The following AFM variants were observed in gnomAD, a reference collection of about 807,000 sequenced individuals.
AFM encodes alpha-Alb.
AFM carries 82 observed loss-of-function variants against 68.7 expected under a neutral mutation model. The ratio of observed to expected loss-of-function variants is 1.19; its 90% confidence interval spans 1.00 to 1.43. AFM has a LOEUF of 1.43. Among genes scored for constraint, AFM ranks in the 40% most tolerant of loss-of-function variants. AFM has a pLI of 0.00. For missense variants in AFM, 772 were observed against 701.8 expected (o/e 1.10, Z -1.13); for synonymous variants, 250 against 234.2 (o/e 1.07, Z -0.61).
In AFM at chr4:73,485,970, T is replaced by C. The variant is rs752949035; in HGVS notation, c.379T>C (p.Tyr127His). The change falls in exon 4 of 15, where the codon TAT (tyrosine) becomes CAT (histidine). Residue 127 changes from tyrosine (Y) to histidine (H), a missense_variant. Coordinates refer to ENST00000226355, the MANE Select transcript of AFM (RefSeq NM_001133.2). ...TGCTCAAAGAAGACTCTGTTTCTTC[T>C]ATAACAAGAAATCTGATGTGGGATT... ...VDAQRRLCFF[Y>H]NKKSDVGFLP... 2.5e-6 allele frequency: 4 copies of C among 1,614,098 alleles called. No individual in the cohort carries two copies. The highest frequency in any genetic ancestry group is 1.3e-5 in the African/African-American group (1 of 75,032).
intron 5 of AFM, 54 bp from the exon 6 acceptor site, chr4:73,487,670 G>T: frequency 8.3e-7 from 1 of 1,202,776 alleles, no homozygotes; most frequent in African/African-American, 1.5e-5. Flanking sequence ...TAAAAAATAA[G>T]AGAATAGTGA....
chr4:73,493,253 A>G (rs1423001334), intron 8 of AFM, among the ~76,000 whole-genome samples: 1 of 152,226 alleles, frequency 6.6e-6, no homozygotes, highest in East Asian at 1.9e-4. Flanking sequence ...AATGGTTTTA[A>G]TGGAAGAATG....
At chr4:73,496,782 A>G (rs374323013) in intron 9 of AFM, among the ~76,000 whole-genome samples, 6 of 152,210 alleles carry the variant, frequency 3.9e-5, no homozygotes, top group East Asian at 1.9e-4. Flanking sequence ...TGTTTTTCAT[A>G]TAAATTCATA....
chr4:73,488,554 T>A, intron 6 of AFM, 76 bp from the exon 7 acceptor site: 1 of 1,334,502 alleles, frequency 7.5e-7, no homozygotes, highest in Non-Finnish European at 1.0e-6. Flanking sequence ...GCTATTCATA[T>A]CATATTAGCA....
At chr4:73,487,584 T>C in intron 5 of AFM, 140 bp from the exon 6 acceptor site, 1 of 618,418 alleles carries the variant, frequency 1.6e-6, no homozygotes, top group Non-Finnish European at 2.8e-6. Context: ...TTTTAATATG[T>C]GTGTTTACTG....
At chr4:73,486,832 T>A in intron 4 of AFM, 135 bp from the exon 5 acceptor site, 2 of 889,560 alleles carry the variant, frequency 2.2e-6, no homozygotes, top group Non-Finnish European at 3.4e-6. Flanking sequence ...AACTTGCTCT[T>A]CTTGTCTCTT....
In AFM at chr4:73,499,972, T is replaced by A. The variant is rs374283639; in HGVS notation, c.1423-32T>A. On this transcript the variant is annotated intron_variant, in intron 11 of 14. Coordinates refer to ENST00000226355, the MANE Select transcript of AFM (RefSeq NM_001133.2). Reference sequence around the variant, plus strand: ...TAGAAATTCCATTCAAGTTTTAAGATCGTATCTCAGTTGCAACTCTTGTTG... The same window carrying A: ...TAGAAATTCCATTCAAGTTTTAAGAACGTATCTCAGTTGCAACTCTTGTTG... 34 of 1,561,414 alleles carry A rather than the reference T, an allele frequency of 2.2e-5. No homozygotes were observed. The African/African-American group carries it at 4.3e-4, about 20-fold the overall frequency.
intron 12 of AFM, among the ~76,000 whole-genome samples, 160 bp downstream of exon 12, chr4:73,500,387 T>TA (rs35075782): frequency 5.5e-5 from 3 of 54,392 alleles, no homozygotes; most frequent in Middle Eastern, 0.011. Flanking sequence ...CAAGTGCATA[T>TA]TTTTTTTTTG....
Position 73,503,127 on chromosome 4 carries a change from C to T in AFM, c.*40+17C>T. ...GCACCAAAGGTAATACCCTCTGCCT[C>T]ATTCAAATGTCAAATGTATTTGTGG... is the stretch of plus-strand genomic sequence containing the variant. On this transcript the variant is annotated intron_variant, in intron 14 of 14. Coordinates refer to ENST00000226355, the MANE Select transcript of AFM (RefSeq NM_001133.2). 1 of 1,562,496 alleles carries T rather than the reference C, an allele frequency of 6.4e-7. No homozygotes were observed.
At chr4:73,486,503 C>G (rs542075713) in intron 4 of AFM, among the ~76,000 whole-genome samples, 3 of 152,234 alleles carry the variant, frequency 2.0e-5, no homozygotes, top group East Asian at 3.9e-4. Flanking sequence ...GGTTGGTATG[C>G]TCCTTGAAAT....
rs1720890011 is a variant in AFM, at chr4:73,485,952, A to C, written c.361A>C (p.Arg121=). ...CTGCTGCAGTAAGGTTGATGCTCAAAGAAGACTCTGTTTCTTCTATAACAA... is the reference window on the plus strand; with the variant it reads ...CTGCTGCAGTAAGGTTGATGCTCAACGAAGACTCTGTTTCTTCTATAACAA... ...SHCCSKVDAQ[R]RLCFFYNKKS... The change falls in exon 4 of 15, where the codon AGA becomes CGA. Residue 121 remains arginine, a synonymous_variant. Coordinates refer to ENST00000226355, the MANE Select transcript of AFM (RefSeq NM_001133.2). 1.2e-6 allele frequency: 2 copies of C among 1,614,146 alleles called. No homozygotes were observed. Among genetic ancestry groups the C allele is most frequent in the Non-Finnish European group, 1.7e-6 (2 of 1,179,984 alleles).
At chr4:73,484,183 T>A in intron 2 of AFM, 75 bp from the exon 3 acceptor site, 1 of 1,516,326 alleles carries the variant, frequency 6.6e-7, no homozygotes. Context: ...AGTCAGGATG[T>A]TCCTGTGACT....
rs544851349 is a variant in AFM, at chr4:73,488,551, A to G, written c.714-79A>G. The G allele has an allele frequency of 3.9e-6, 5 of 1,296,772 alleles. No individual in the cohort carries two copies. In the East Asian group the frequency reaches 7.2e-5, roughly 19 times the overall value. 80.3% of individuals were successfully genotyped at this position (1,296,772 alleles called of 1,614,324 possible). A position where few individuals can be genotyped will look rare whatever the true frequency, so the allele number is the denominator to read the frequency against. On this transcript the variant is annotated intron_variant, in intron 6 of 14. Coordinates refer to ENST00000226355, the MANE Select transcript of AFM (RefSeq NM_001133.2). The stretch of plus-strand genomic sequence containing the variant: ...GTGGCAATACTTTTTGTAGCTATTC[A>G]TATCATATTAGCAAATTACTCCCAC...
At position 73,499,218 on chromosome 4, in the gene AFM, G is replaced by A. The variant is rs759048904; in HGVS notation, c.1394G>A (p.Ser465Asn). ...VTAFTTCCTL[S>N]EEFACVDNLA... ...GCTTTCACTACTTGCTGTACGCTAA[G>A]TGAAGAGTTTGCCTGTGTTGATAAT... Residue 465 changes from serine (S) to asparagine (N), a missense_variant, in exon 11 of 15, where the codon AGT becomes AAT. Ser to Asn is a conservative substitution (Grantham distance 46). Coordinates refer to ENST00000226355, the MANE Select transcript of AFM (RefSeq NM_001133.2). 1.2e-6 allele frequency: 2 copies of A among 1,611,478 alleles called. No individual in the cohort carries two copies. Among genetic ancestry groups the A allele is most frequent in the African/African-American group, 2.7e-5 (2 of 74,642 alleles).
chr4:73,483,818 A>G, intron 1 of AFM, 123 bp from the exon 2 acceptor site: 1 of 753,262 alleles, frequency 1.3e-6, no homozygotes, highest in South Asian at 2.4e-5. Context: ...AATATGCAAA[A>G]TTATCTCCTG....
rs367555825 is a variant in AFM at position 73,483,924 on chromosome 4, A to G, written c.89-17A>G. Reference sequence around the variant, plus strand: ...AAAACCATGCTATGTAATAACCTAAATATTCTTGCTTTTCAGAGAACTTCA... The same window carrying G: ...AAAACCATGCTATGTAATAACCTAAGTATTCTTGCTTTTCAGAGAACTTCA... On this transcript the variant is annotated splice_polypyrimidine_tract_variant and intron_variant, in intron 1 of 14. Transcript: ENST00000226355. 12 of 1,513,596 alleles carry G rather than the reference A, an allele frequency of 7.9e-6. No homozygotes were observed. The African/African-American group carries it at 1.3e-4, about 16-fold the overall frequency. 93.8% of individuals were successfully genotyped at this position (1,513,596 alleles called of 1,614,324 possible).
In AFM at chr4:73,491,989, G is replaced by A; in HGVS notation, c.961G>A (p.Asp321Asn). The A allele has an allele frequency of 6.2e-7, 1 of 1,613,830 alleles. No homozygotes were observed. The highest frequency in any genetic ancestry group is 8.5e-7 in the Non-Finnish European group (1 of 1,179,910). The stretch of plus-strand genomic sequence containing the variant: ...GTGCATAATTAACTCAAACAAAGAT[G>A]ATAGACCAAAGGATTTATCTCTAAG... ...GQCIINSNKD[D>N]RPKDLSLREG... Residue 321 changes from aspartate (D) to asparagine (N), a missense_variant, in exon 8 of 15, where the codon GAT becomes AAT. Coordinates refer to ENST00000226355, the MANE Select transcript of AFM (RefSeq NM_001133.2).
intron 3 of AFM, 102 bp downstream of exon 3, chr4:73,484,492 TTCTTTC>T: frequency 1.2e-6 from 1 of 822,570 alleles, no homozygotes; most frequent in Non-Finnish European, 1.7e-6. Flanking sequence ...CTTTCTTTCT[TTCTTTC>T]TTTCTTTCAT....
intron 12 of AFM, among the ~76,000 whole-genome samples, chr4:73,501,411 G>A (rs1343989120): frequency 6.6e-6 from 1 of 151,910 alleles, no homozygotes; most frequent in Non-Finnish European, 1.5e-5. Context: ...TCCTCTTCTA[G>A]CTATTTTGAA....
Sources: allele counts gnomAD v4.1 joint callset (sites outside exome capture counted in the v4.1 genomes callset), GRCh38; gene constraint gnomAD v4.1.1; transcripts MANE v1.5; gene names NCBI Gene and HGNC (gene_info 2026-07-23, HGNC 2026-07-21).